SNTG2: variants seen among roughly 807,000 people sequenced by gnomAD.
SNTG2 encodes the protein gamma-2-syntrophin.
Under a neutral mutation model 70.9 loss-of-function variants are expected in SNTG2, and 74 were observed. The ratio of observed to expected loss-of-function variants is 1.04; its 90% confidence interval spans 0.86 to 1.27. The LOEUF is 1.27. Among genes scored for constraint, SNTG2 ranks in the 50% most tolerant of loss-of-function variants. The pLI, the probability that SNTG2 is intolerant of heterozygous loss-of-function variation, is 0.00. For synonymous variants in SNTG2, 278 were observed against 273.8 expected, an observed-to-expected ratio of 1.02 and a Z score of -0.15; for missense variants, 717 against 690.7, an observed-to-expected ratio of 1.04 and a Z score of -0.43.
At chr2:972,845 A>G (rs1054965151) in intron 1 of SNTG2, among the ~76,000 whole-genome samples, 1 of 152,134 alleles carries the variant, frequency 6.6e-6, no homozygotes, top group Non-Finnish European at 1.5e-5. Flanking sequence ...AGCAGAAGCC[A>G]CTATGCTTCC....
intron 6 of SNTG2, among the ~76,000 whole-genome samples, chr2:1,162,138 T>A (rs1227910484): frequency 2.6e-5 from 4 of 152,020 alleles, no homozygotes; most frequent in Non-Finnish European, 4.4e-5. Context: ...TGATTGGTTC[T>A]GTTACTTCTG....
At chr2:1,120,292 TACAA>T (rs1366548314) in intron 4 of SNTG2, among the ~76,000 whole-genome samples, 3 of 152,116 alleles carry the variant, frequency 2.0e-5, no homozygotes, top group African/African-American at 7.2e-5. Context: ...CTTTGAATAT[TACAA>T]ACAAGAAAAT....
At chr2:1,154,358 G>A (rs908243735) in intron 6 of SNTG2, among the ~76,000 whole-genome samples, 30 of 152,184 alleles carry the variant, frequency 2.0e-4, no homozygotes, top group African/African-American at 6.3e-4. Flanking sequence ...CGAGCGGGAT[G>A]GGACGCCAAA....
At chr2:1,094,203 A>G (rs1665226369) in intron 2 of SNTG2, among the ~76,000 whole-genome samples, 2 of 114,986 alleles carry the variant, frequency 1.7e-5, no homozygotes, top group Non-Finnish European at 3.7e-5. Context: ...CAAAGGCCTT[A>G]TAGGTGTGTC....
At chr2:1,211,501 G>C (rs982342944) in intron 9 of SNTG2, among the ~76,000 whole-genome samples, 1 of 152,112 alleles carries the variant, frequency 6.6e-6, no homozygotes, top group Non-Finnish European at 1.5e-5. Flanking sequence ...TCATACTACT[G>C]TGTAGAAAAA....
intron 1 of SNTG2, among the ~76,000 whole-genome samples, chr2:983,183 AGCAGAAGCTGCAGAGGTGGTGGTCAGGAT>A (rs1265036226): frequency 8.7e-6 from 1 of 115,266 alleles, no homozygotes; most frequent in Non-Finnish European, 1.9e-5. Context: ...GAGGCTTTTT[AGCAGAAGCTGCAGAGGTGGTGGTCAGGAT>A]GCAGAAGCTG....
intron 14 of SNTG2, 31 bp downstream of exon 14, chr2:1,267,602 A>G (rs1356774384): frequency 6.3e-6 from 10 of 1,593,188 alleles, no homozygotes; most frequent in Non-Finnish European, 8.6e-6. Flanking sequence ...CTTCTCACCT[A>G]CACCTGCTCG....
At chr2:1,147,069 A>G (rs1223037687) in intron 6 of SNTG2, among the ~76,000 whole-genome samples, 1 of 152,232 alleles carries the variant, frequency 6.6e-6, no homozygotes, top group Non-Finnish European at 1.5e-5. Context: ...TTTATATAAT[A>G]GCATTTGAGT....
Position 1,098,241 on chromosome 2 carries a change from C to G in SNTG2, c.256C>G (p.Leu86Val). ...LRRQPVGGLG[L>V]SIKGGSEHNV... ...CAGACAGCCAGTTGGCGGCTTGGGC[C>G]TGAGTATAAAGGTATGGAAATGGTT... The change falls in exon 3 of 17, where the codon CTG (leucine) becomes GTG (valine). Residue 86 changes from leucine (L) to valine (V), a missense_variant. Transcript: ENST00000308624. The G allele has an allele frequency of 1.2e-6, 2 of 1,614,020 alleles. No homozygotes were observed. The highest frequency in any genetic ancestry group is 1.7e-6 in the Non-Finnish European group (2 of 1,179,908).
At position 1,056,952 on chromosome 2, in the gene SNTG2, TG is replaced by T. The variant is rs1432218015; in HGVS notation, c.73-26565del. Reference sequence around the variant, plus strand: ...AGGGAGGGAGAGCGCGGCGCCCCGCTGTGGGGAGGGAGGGAGGGAGAGCGCG... The same window carrying T: ...AGGGAGGGAGAGCGCGGCGCCCCGCTTGGGGAGGGAGGGAGGGAGAGCGCG... On this transcript the variant is annotated intron_variant, in intron 1 of 16. Coordinates refer to ENST00000308624, the MANE Select transcript of SNTG2 (RefSeq NM_018968.4). Among the ~76,000 whole-genome samples, 13 of 1,668 alleles carry T rather than the reference TG, an allele frequency of 7.8e-3. 1 individual carries two copies. The highest frequency in any genetic ancestry group is 0.014 in the Non-Finnish European group (10 of 696). The allele number at this position is 1,668 out of a possible 152,430, so 1.1% of individuals were successfully genotyped here.
intron 1 of SNTG2, among the ~76,000 whole-genome samples, chr2:1,032,365 AC>A (rs750285365): frequency 8.5e-5 from 13 of 152,294 alleles, no homozygotes; most frequent in Non-Finnish European, 5.9e-5. Flanking sequence ...AAAAATGAAA[AC>A]GAAACTACAC....
chr2:999,722 T>C (rs1445171524), intron 1 of SNTG2, among the ~76,000 whole-genome samples: 1 of 151,904 alleles, frequency 6.6e-6, no homozygotes. Flanking sequence ...ACTAGACAAA[T>C]CATTGAGATT....
At chr2:1,320,624 C>A (rs1681479841) in intron 16 of SNTG2, among the ~76,000 whole-genome samples, 1 of 151,438 alleles carries the variant, frequency 6.6e-6, no homozygotes, top group African/African-American at 2.4e-5. Flanking sequence ...ACACAGATTC[C>A]AATGGCTGGA....
chr2:1,076,029 G>T (rs184109884), intron 1 of SNTG2, among the ~76,000 whole-genome samples: 62 of 152,288 alleles, frequency 4.1e-4, no homozygotes, highest in Middle Eastern at 6.8e-3. Context: ...GACGTCGTCG[G>T]ACGTGTCTGT....
At chr2:1,112,458 CTAAG>C (rs1347938668) in intron 4 of SNTG2, among the ~76,000 whole-genome samples, 1 of 151,716 alleles carries the variant, frequency 6.6e-6, no homozygotes, top group East Asian at 1.9e-4. Context: ...ATTTTGTGTA[CTAAG>C]TGAGGTTTAA....
intron 16 of SNTG2, among the ~76,000 whole-genome samples, chr2:1,336,592 G>C (rs551194906): frequency 3.3e-5 from 5 of 152,124 alleles, no homozygotes; most frequent in African/African-American, 1.2e-4. Context: ...TATAGTTTTT[G>C]GTCTTACATT....
intron 16 of SNTG2, 42 bp from the exon 17 acceptor site, chr2:1,367,301 C>T: frequency 6.7e-7 from 1 of 1,486,972 alleles, no homozygotes; most frequent in Non-Finnish European, 9.0e-7. Context: ...ACGTGTTCTT[C>T]CAACAATTAT....
chr2:1,141,021 T>C (rs754221339), intron 6 of SNTG2, among the ~76,000 whole-genome samples: 52 of 152,196 alleles, frequency 3.4e-4, no homozygotes, highest in Non-Finnish European at 4.8e-4. Context: ...TGACATCTTA[T>C]GTTGGGAAAA....
intron 4 of SNTG2, among the ~76,000 whole-genome samples, chr2:1,117,918 A>C (rs925514723): frequency 2.0e-5 from 3 of 152,164 alleles, no homozygotes; most frequent in African/African-American, 7.2e-5. Flanking sequence ...TTTTGGGTCC[A>C]GGATTGCAGC....
Sources: allele counts gnomAD v4.1 joint callset (sites outside exome capture counted in the v4.1 genomes callset), GRCh38; gene constraint gnomAD v4.1.1; transcripts MANE v1.5; gene names NCBI Gene and HGNC (gene_info 2026-07-23, HGNC 2026-07-21).